DOCK1: variants seen among roughly 807,000 people sequenced by gnomAD.
DOCK1 encodes the protein dedicator of cytokinesis protein 1.
In DOCK1, 138 loss-of-function variants were observed where a neutral mutation model predicts 262.7. That is an observed-to-expected ratio of 0.53 (90% CI 0.46 to 0.61). DOCK1 has a LOEUF of 0.61. Ranked by LOEUF, DOCK1 falls within the 20% of genes least tolerant of loss-of-function variation. The probability of loss-of-function intolerance (pLI) is 0.00; values close to 1 mark genes in which losing one functional copy is unlikely to be tolerated. For synonymous variants in DOCK1, 866 were observed against 867.4 expected, an observed-to-expected ratio of 1.00 and a Z score of 0.03; for missense variants, 1,908 against 2,370.7, an observed-to-expected ratio of 0.80 and a Z score of 4.05.
intron 29 of DOCK1, among the ~76,000 whole-genome samples, chr10:127,260,857 ATCTG>A (rs2060020203): frequency 1.2e-5 from 1 of 81,882 alleles, no homozygotes; most frequent in African/African-American, 5.1e-5. Flanking sequence ...ACCCGTGCTC[ATCTG>A]TGTGTGTGCA....
At chr10:127,306,001 AT>A (rs1294101666) in intron 29 of DOCK1, among the ~76,000 whole-genome samples, 25 of 139,932 alleles carry the variant, frequency 1.8e-4, no homozygotes, top group Admixed American at 2.9e-4. Context: ...CGTTTTATGC[AT>A]TTTTTTTCCT....
At chr10:127,126,471 C>CT (rs1349154972) in intron 26 of DOCK1, among the ~76,000 whole-genome samples, 1 of 152,122 alleles carries the variant, frequency 6.6e-6, no homozygotes, top group Non-Finnish European at 1.5e-5. Flanking sequence ...TAGCTCACGC[C>CT]TGTAATCCCA....
At chr10:127,354,821 A>T (rs1253103188) in intron 32 of DOCK1, 94 bp downstream of exon 32, 2 of 1,458,222 alleles carry the variant, frequency 1.4e-6, no homozygotes, top group East Asian at 4.6e-5. Context: ...ATGTCTTAAG[A>T]TCTTAATGGC....
chr10:127,257,948 G>A (rs1469447410), intron 29 of DOCK1, among the ~76,000 whole-genome samples: 1 of 152,108 alleles, frequency 6.6e-6, no homozygotes, highest in Non-Finnish European at 1.5e-5. Flanking sequence ...ATTTCTGTAA[G>A]CACTAACAAT....
At chr10:127,300,697 C>T (rs1336933849) in intron 29 of DOCK1, among the ~76,000 whole-genome samples, 1 of 152,188 alleles carries the variant, frequency 6.6e-6, no homozygotes, top group Non-Finnish European at 1.5e-5. Flanking sequence ...TTTTCTTGGG[C>T]CTTTTTCCCT....
chr10:127,394,372 C>T (rs1398611011), intron 38 of DOCK1, among the ~76,000 whole-genome samples: 4 of 112,380 alleles, frequency 3.6e-5, no homozygotes, highest in African/African-American at 1.0e-4. Flanking sequence ...AAAAAAAAAG[C>T]GTTTTACATC....
At chr10:126,961,377 C>A (rs1679922461) in intron 1 of DOCK1, among the ~76,000 whole-genome samples, 2 of 152,156 alleles carry the variant, frequency 1.3e-5, no homozygotes, top group Non-Finnish European at 2.9e-5. Flanking sequence ...CACTTGAGGT[C>A]AGGAGTTGGA....
Position 127,258,553 on chromosome 10 carries a change from C to T in DOCK1, c.3044+1124C>T, listed in dbSNP as rs1470030613. Among the ~76,000 whole-genome samples, 6 of 152,220 alleles carry T rather than the reference C, an allele frequency of 3.9e-5. No homozygotes were observed. The South Asian group carries it at 6.2e-4, about 16-fold the overall frequency. ...GATGAACCATTTTCCTGTTGAAGGA[C>T]GTCTGGGCTATCCCCAGTTTGTGGC... On this transcript the variant is annotated intron_variant, in intron 29 of 51. Coordinates refer to ENST00000623213, the MANE Select transcript of DOCK1 (RefSeq NM_001290223.2).
chr10:127,306,014 G>GTTTTTTTT (rs534023263), intron 29 of DOCK1, among the ~76,000 whole-genome samples: 1 of 131,600 alleles, frequency 7.6e-6, no homozygotes. Context: ...TTTTTTCCTG[G>GTTTTTTTT]TTTTTTTTTT....
chr10:127,400,661 C>T (rs182069019), intron 38 of DOCK1, among the ~76,000 whole-genome samples: 2 of 152,140 alleles, frequency 1.3e-5, no homozygotes, highest in Non-Finnish European at 2.9e-5. Context: ...GGCCTTAAAC[C>T]GGAGAGCACA....
At chr10:127,058,616 C>G (rs933569517) in intron 22 of DOCK1, among the ~76,000 whole-genome samples, 5 of 151,154 alleles carry the variant, frequency 3.3e-5, no homozygotes, top group Non-Finnish European at 7.4e-5. Flanking sequence ...ACCAGTTACA[C>G]TTTTTTTAAG....
At chr10:127,080,395 C>T (rs1423728538) in intron 23 of DOCK1, among the ~76,000 whole-genome samples, 1 of 152,154 alleles carries the variant, frequency 6.6e-6, no homozygotes, top group African/African-American at 2.4e-5. Context: ...AGACTTTTCA[C>T]TGACCTGTCC....
At chr10:127,422,158 CTTTTTTTTTT>C (rs35535729) in intron 46 of DOCK1, among the ~76,000 whole-genome samples, 8 of 61,370 alleles carry the variant, frequency 1.3e-4, no homozygotes, top group African/African-American at 5.0e-4. Flanking sequence ...TTTTGTTTGT[CTTTTTTTTTT>C]TTTTTTTTTT....
chr10:127,374,448 T>A (rs527737414), intron 35 of DOCK1, among the ~76,000 whole-genome samples: 1 of 152,280 alleles, frequency 6.6e-6, no homozygotes, highest in South Asian at 2.1e-4. Flanking sequence ...TCCTTGTCGT[T>A]GTGAATGATG....
chr10:127,274,486 G>A (rs1353816838), intron 29 of DOCK1, among the ~76,000 whole-genome samples: 4 of 152,136 alleles, frequency 2.6e-5, no homozygotes, highest in African/African-American at 4.8e-5. Context: ...GAGGGCCAGC[G>A]AGAGCCCTGG....
intron 27 of DOCK1, among the ~76,000 whole-genome samples, chr10:127,222,592 T>C (rs1036586598): frequency 1.3e-5 from 2 of 151,418 alleles, no homozygotes; most frequent in African/African-American, 4.8e-5. Context: ...ACCACCTTTC[T>C]TTTTGGTCGA....
Position 126,951,520 on chromosome 10 carries a change from G to A in DOCK1, c.47-19182G>A, listed in dbSNP as rs987811378. Among the ~76,000 whole-genome samples the A allele has an allele frequency of 1.5e-3, 228 of 151,758 alleles. 8 individuals are homozygous for A. In the Middle Eastern group the frequency reaches 0.021, roughly 14 times the overall value. Reference sequence around the variant, plus strand: ...TGGTGATGGTGGTAATGTTGTTTTTGTTGGTATTATTGCTGTTGGTAGTAT... The same window carrying A: ...TGGTGATGGTGGTAATGTTGTTTTTATTGGTATTATTGCTGTTGGTAGTAT... On this transcript the variant is annotated intron_variant, in intron 1 of 51. Coordinates refer to ENST00000623213, the MANE Select transcript of DOCK1 (RefSeq NM_001290223.2).
At chr10:127,016,837 TACAC>T (rs201637173) in intron 12 of DOCK1, among the ~76,000 whole-genome samples, 2 of 133,324 alleles carry the variant, frequency 1.5e-5, no homozygotes, top group African/African-American at 2.8e-5. Context: ...ACACTACACA[TACAC>T]ACACACAGAT....
chr10:127,267,285 C>G (rs2060396755), intron 29 of DOCK1, among the ~76,000 whole-genome samples: 1 of 152,184 alleles, frequency 6.6e-6, no homozygotes, highest in African/African-American at 2.4e-5. Context: ...TCTGTTCATT[C>G]TTAAGGCCTA....
Sources: allele counts gnomAD v4.1 joint callset (sites outside exome capture counted in the v4.1 genomes callset), GRCh38; gene constraint gnomAD v4.1.1; transcripts MANE v1.5; gene names NCBI Gene and HGNC (gene_info 2026-07-23, HGNC 2026-07-21).